The following EFL1 variants were observed in gnomAD, a reference collection of about 807,000 sequenced individuals.
The protein encoded by EFL1 is elongation factor like GTPase 1.
In EFL1, 76 loss-of-function variants were observed where a neutral mutation model predicts 126.7. The observed-to-expected ratio is 0.60, with a 90% CI of 0.50 to 0.73. EFL1 has a LOEUF of 0.73. Among genes scored for constraint, EFL1 ranks in the 30% least tolerant of loss-of-function variants. The pLI, the probability that EFL1 is intolerant of heterozygous loss-of-function variation, is 0.00. For synonymous variants in EFL1, 410 were observed against 448.4 expected (o/e 0.91, Z 1.08); for missense variants, 1,128 against 1,343.2 (o/e 0.84, Z 2.50).
intron 12 of EFL1, 65 bp from the exon 13 acceptor site, chr15:82,220,294 G>C: frequency 6.6e-7 from 1 of 1,507,542 alleles, no homozygotes; most frequent in Non-Finnish European, 8.9e-7. Flanking sequence ...AGCAAGCATT[G>C]ACATGGCTGG....
chr15:82,204,349 T>G (rs1292702683), intron 15 of EFL1, among the ~76,000 whole-genome samples: 7 of 151,832 alleles, frequency 4.6e-5, no homozygotes, highest in Non-Finnish European at 1.0e-4. Flanking sequence ...CCAAGCTATC[T>G]TCATAGTCTT....
At chr15:82,216,595 A>C (rs1275536035) in intron 14 of EFL1, among the ~76,000 whole-genome samples, 3 of 152,190 alleles carry the variant, frequency 2.0e-5, no homozygotes, top group East Asian at 1.9e-4. Flanking sequence ...GGACAAAGCT[A>C]ATCAGTGGAT....
intron 18 of EFL1, among the ~76,000 whole-genome samples, 194 bp from the exon 19 acceptor site, chr15:82,139,036 CA>C (rs1245722501): frequency 6.6e-6 from 1 of 151,990 alleles, no homozygotes; most frequent in Non-Finnish European, 1.5e-5. Context: ...AAATTGGAAA[CA>C]AAAAATAACA....
At chr15:82,220,670 TAGA>T (rs2074702146) in intron 12 of EFL1, among the ~76,000 whole-genome samples, 1 of 151,020 alleles carries the variant, frequency 6.6e-6, no homozygotes, top group Non-Finnish European at 1.5e-5. Context: ...TCATCAGGAC[TAGA>T]AGGTCAAACT....
chr15:82,152,444 A>G, intron 17 of EFL1, 21 bp from the exon 18 acceptor site: 1 of 1,569,684 alleles, frequency 6.4e-7, no homozygotes, highest in Non-Finnish European at 8.6e-7. Context: ...ATTCAAGAGA[A>G]ATAACAGAAG....
intron 15 of EFL1, among the ~76,000 whole-genome samples, chr15:82,200,566 A>C (rs1171673719): frequency 5.1e-5 from 7 of 137,742 alleles, no homozygotes; most frequent in Admixed American, 4.8e-4. Context: ...GCTTCTCTTA[A>C]CATCAAATGG....
chr15:82,181,634 G>GTGTGTGTGTA (rs1367165515), intron 15 of EFL1, among the ~76,000 whole-genome samples: 1 of 151,786 alleles, frequency 6.6e-6, no homozygotes, highest in African/African-American at 2.4e-5. Context: ...GTGTGTGTGT[G>GTGTGTGTGTA]TGTGTGTGTG....
intron 15 of EFL1, among the ~76,000 whole-genome samples, chr15:82,189,917 A>C (rs1595971583): frequency 6.6e-6 from 1 of 151,978 alleles, no homozygotes; most frequent in Non-Finnish European, 1.5e-5. Context: ...GGAGTTTGAG[A>C]CCAGCCTGGC....
intron 9 of EFL1, 27 bp downstream of exon 9, chr15:82,229,007 C>T: frequency 1.3e-6 from 2 of 1,576,382 alleles, no homozygotes; most frequent in Non-Finnish European, 8.6e-7. Context: ...CCTAAAGATG[C>T]CTAAAGGTAA....
chr15:82,153,733 T>C lies in EFL1; in HGVS notation c.2031-1310A>G, dbSNP rs561104701. Among the ~76,000 whole-genome samples the C allele has an allele frequency of 1.3e-4, 20 of 152,362 alleles. No homozygotes were observed. The South Asian group carries it at 2.5e-3, about 19-fold the overall frequency. On this transcript the variant is annotated intron_variant, in intron 17 of 19. Coordinates refer to ENST00000268206, the MANE Select transcript of EFL1 (RefSeq NM_024580.6). The stretch of plus-strand genomic sequence containing the variant: ...CTACAACACTACGAAGTTTGTATTA[T>C]AGGTTATATGAAAATTAATTTGTAT...
At chr15:82,171,618 A>G (rs2074136541) in intron 15 of EFL1, among the ~76,000 whole-genome samples, 1 of 152,240 alleles carries the variant, frequency 6.6e-6, no homozygotes, top group African/African-American at 2.4e-5. Context: ...ATATGATACC[A>G]TAAGACTGAA....
At chr15:82,130,797 A>G (rs1051297545) in intron 19 of EFL1, among the ~76,000 whole-genome samples, 1 of 152,192 alleles carries the variant, frequency 6.6e-6, no homozygotes, top group African/African-American at 2.4e-5. Flanking sequence ...CAGAAGTTCG[A>G]GACCGGCCTG....
intron 15 of EFL1, among the ~76,000 whole-genome samples, chr15:82,171,934 A>T (rs945331768): frequency 1.3e-5 from 2 of 152,120 alleles, no homozygotes; most frequent in Admixed American, 6.5e-5. Flanking sequence ...GATGCTTTCA[A>T]TGTCGAAAGG....
intron 7 of EFL1, among the ~76,000 whole-genome samples, chr15:82,235,843 C>T (rs1332056601): frequency 1.3e-5 from 2 of 152,002 alleles, no homozygotes; most frequent in Middle Eastern, 3.2e-3. Flanking sequence ...GAAATTCTAG[C>T]CAGTGCAATC....
chr15:82,184,551 C>T (rs1028120165), intron 15 of EFL1, among the ~76,000 whole-genome samples: 1 of 152,336 alleles, frequency 6.6e-6, no homozygotes, highest in South Asian at 2.1e-4. Context: ...ATTAAAGCAG[C>T]ACCCACCTGT....
chr15:82,203,860 G>A (rs1435508940), intron 15 of EFL1, among the ~76,000 whole-genome samples: 1 of 152,068 alleles, frequency 6.6e-6, no homozygotes, highest in Non-Finnish European at 1.5e-5. Context: ...TTTAGGGTGT[G>A]TCCCTTTTTC....
intron 7 of EFL1, among the ~76,000 whole-genome samples, chr15:82,237,175 C>T (rs1398009626): frequency 6.6e-6 from 1 of 152,018 alleles, no homozygotes; most frequent in African/African-American, 2.4e-5. Flanking sequence ...AAACAAAAAA[C>T]AAAAAATAAA....
rs201704769 is a variant in EFL1 at position 82,197,031 on chromosome 15, TA to T, written c.1750+17685del. On this transcript the variant is annotated intron_variant, in intron 15 of 19. Transcript: ENST00000268206. ...TGGGCGACAGAGCAAAACTCCAACT[TA>T]AAAAAAAAAAAAAAAAATTGTGGCA... 6.1e-3 allele frequency among the ~76,000 whole-genome samples: 779 copies of T among 127,060 alleles called. 1 individual carries two copies. The highest frequency in any genetic ancestry group is 0.03 in the Middle Eastern group (7 of 236). 83.4% of individuals were successfully genotyped at this position (127,060 alleles called of 152,430 possible).
intron 7 of EFL1, among the ~76,000 whole-genome samples, chr15:82,237,244 A>G (rs1180282461): frequency 1.3e-5 from 2 of 152,242 alleles, no homozygotes; most frequent in Non-Finnish European, 2.9e-5. Flanking sequence ...AGACTGGGAG[A>G]AAATATTTGC....
Sources: gnomAD v4.1 joint callset for allele counts (sites outside exome capture counted in the v4.1 genomes callset) on GRCh38, gnomAD v4.1.1 for gene constraint, MANE v1.5 for transcripts, NCBI Gene and HGNC (gene_info 2026-07-23, HGNC 2026-07-21) for gene names.